Variants in SPMIP3 observed in about 807,000 individuals in gnomAD.
SPMIP3 encodes the protein protein SPMIP3.
chr1:244,356,918 CTT>C, the SPMIP3 span, among the ~76,000 whole-genome samples: 2,620 of 103,476 alleles, frequency 0.025, 26 homozygotes, highest in African/African-American at 0.088. Context: ...TTTTCTTTTC[CTT>C]TTTTTTTTTT....
the SPMIP3 span, among the ~76,000 whole-genome samples, chr1:244,385,766 T>C: frequency 1.3e-5 from 2 of 152,250 alleles, no homozygotes; most frequent in African/African-American, 2.4e-5. Flanking sequence ...AGAATCAATA[T>C]CTGTAAAATA....
At chr1:244,352,898 G>A in the SPMIP3 span, among the ~76,000 whole-genome samples, 2 of 152,202 alleles carry the variant, frequency 1.3e-5, no homozygotes, top group African/African-American at 4.8e-5. Context: ...CTTTTGGAAA[G>A]TGAATACTCA....
At chr1:244,389,193 C>G in the SPMIP3 span, 1 of 711,048 alleles carries the variant, frequency 1.4e-6, no homozygotes, top group African/African-American at 1.8e-5. Flanking sequence ...AAAATATTTA[C>G]ATGTTGCAAA....
the SPMIP3 span, among the ~76,000 whole-genome samples, chr1:244,377,135 T>A: frequency 7.3e-3 from 1,101 of 151,206 alleles, 24 homozygotes; most frequent in African/African-American, 0.026. Flanking sequence ...TTTTATTTTT[T>A]TTTTTTGAGA....
the SPMIP3 span, among the ~76,000 whole-genome samples, chr1:244,379,253 G>A: frequency 6.8e-6 from 1 of 147,360 alleles, no homozygotes; most frequent in Non-Finnish European, 1.5e-5. Flanking sequence ...TTAAATTAGA[G>A]ACATGGTCTC....
chr1:244,387,925 CT>C, the SPMIP3 span, among the ~76,000 whole-genome samples: 424 of 143,704 alleles, frequency 3.0e-3, no homozygotes, highest in East Asian at 7.3e-3. Flanking sequence ...TTGCTTTTCT[CT>C]TTTTTTTTTT....
the SPMIP3 span, among the ~76,000 whole-genome samples, chr1:244,354,677 T>C: frequency 6.6e-6 from 1 of 152,224 alleles, no homozygotes; most frequent in Admixed American, 6.5e-5. Flanking sequence ...AACAACACTT[T>C]TAAAAATTCT....
chr1:244,360,913 T>C, the SPMIP3 span, among the ~76,000 whole-genome samples: 1 of 150,136 alleles, frequency 6.7e-6, no homozygotes, highest in Admixed American at 6.6e-5. Context: ...AATCCTGTCA[T>C]TTACAACAAC....
At chr1:244,356,484 G>A in the SPMIP3 span, among the ~76,000 whole-genome samples, 3 of 152,132 alleles carry the variant, frequency 2.0e-5, no homozygotes, top group African/African-American at 7.2e-5. Flanking sequence ...TAACTTTGAG[G>A]AAGTTTGCTG....
the SPMIP3 span, among the ~76,000 whole-genome samples, chr1:244,354,008 T>C: frequency 6.6e-6 from 1 of 152,178 alleles, no homozygotes. Flanking sequence ...CCCCAGAGGT[T>C]GAATTTCCTC....
chr1:244,380,657 C>T, the SPMIP3 span, among the ~76,000 whole-genome samples: 2 of 152,190 alleles, frequency 1.3e-5, no homozygotes, highest in Admixed American at 1.3e-4. Context: ...TCAGAAGCTA[C>T]AGAGCCTCTG....
chr1:244,355,675 C>A, the SPMIP3 span, among the ~76,000 whole-genome samples: 1 of 152,102 alleles, frequency 6.6e-6, no homozygotes, highest in Non-Finnish European at 1.5e-5. Flanking sequence ...CATGAGCCAC[C>A]GCGCCCAGCC....
the SPMIP3 span, among the ~76,000 whole-genome samples, chr1:244,377,266 C>A: frequency 6.6e-6 from 1 of 152,122 alleles, no homozygotes; most frequent in African/African-American, 2.4e-5. Context: ...GGACTACAGG[C>A]ACCCGCCACC....
the SPMIP3 span, among the ~76,000 whole-genome samples, chr1:244,387,172 G>T: frequency 1.6e-3 from 245 of 152,104 alleles, 1 homozygote; most frequent in African/African-American, 5.9e-3. Context: ...GGTGGTGGCG[G>T]GCACCTGTAA....
the SPMIP3 span, chr1:244,378,528 C>T: frequency 6.2e-7 from 1 of 1,613,708 alleles, no homozygotes; most frequent in African/African-American, 1.3e-5. Context: ...TCAATTAGAC[C>T]AACAAACACT....
chr1:244,386,149 G>A, the SPMIP3 span, among the ~76,000 whole-genome samples: 1 of 152,256 alleles, frequency 6.6e-6, no homozygotes, highest in Non-Finnish European at 1.5e-5. Flanking sequence ...CTGCACTCCA[G>A]CCTGGGCAAC....
At chr1:244,360,815 C>T in the SPMIP3 span, among the ~76,000 whole-genome samples, 4 of 149,424 alleles carry the variant, frequency 2.7e-5, no homozygotes, top group Non-Finnish European at 4.4e-5. Flanking sequence ...CCCTGGGAGG[C>T]GGAGATTGCA....
the SPMIP3 span, among the ~76,000 whole-genome samples, chr1:244,370,579 C>T: frequency 6.6e-6 from 1 of 152,198 alleles, no homozygotes; most frequent in East Asian, 1.9e-4. Context: ...GCAGAGCTTG[C>T]AGTGAGTGCT....
At chr1:244,380,263 G>T in the SPMIP3 span, among the ~76,000 whole-genome samples, 1 of 151,638 alleles carries the variant, frequency 6.6e-6, no homozygotes, top group African/African-American at 2.4e-5. Context: ...GGGATTACAG[G>T]TATGCGCCAC....
Sources: gnomAD v4.1 joint callset for allele counts (sites outside exome capture counted in the v4.1 genomes callset) on GRCh38, gnomAD v4.1.1 for gene constraint, MANE v1.5 for transcripts, NCBI Gene and HGNC (gene_info 2026-07-23, HGNC 2026-07-21) for gene names.